The following CDK14 variants were observed in gnomAD, a reference collection of about 807,000 sequenced individuals.
CDK14 encodes the protein cyclin dependent kinase 14, also known as cyclin-dependent kinase 14.
Under a neutral mutation model 60.7 loss-of-function variants are expected in CDK14, and 34 were observed. That is an observed-to-expected ratio of 0.56 (90% CI 0.43 to 0.75). The LOEUF (loss-of-function observed/expected upper bound fraction) is 0.75. CDK14 is among the 30% of genes least tolerant of loss of function. The pLI is 0.00. For synonymous variants in CDK14, 197 were observed against 203.7 expected, an observed-to-expected ratio of 0.97 and a Z score of 0.28; for missense variants, 482 against 564.1, an observed-to-expected ratio of 0.85 and a Z score of 1.47.
At chr7:91,034,139 T>C (rs780333777) in intron 10 of CDK14, among the ~76,000 whole-genome samples, 5 of 152,314 alleles carry the variant, frequency 3.3e-5, no homozygotes, top group Non-Finnish European at 7.3e-5. Context: ...TGTGACCTTC[T>C]GTATACAGGC....
rs578163407 is a variant in CDK14, at chr7:90,919,131, A to G, written c.826+1407A>G. On this transcript the variant is annotated intron_variant, in intron 8 of 14. Coordinates refer to ENST00000380050, the MANE Select transcript of CDK14 (RefSeq NM_001287135.2). ...TTCAAGATTATTGGCTTTACTGTGA[A>G]TATATTTTATAGTTGGTCAGTGTCA... Among the ~76,000 whole-genome samples, 8 of 152,250 alleles carry G rather than the reference A, an allele frequency of 5.3e-5. No individual in the cohort carries two copies. In the South Asian group the frequency reaches 1.7e-3, roughly 32 times the overall value.
intron 2 of CDK14, among the ~76,000 whole-genome samples, chr7:90,628,804 C>T (rs1799931767): frequency 6.6e-6 from 1 of 152,210 alleles, no homozygotes; most frequent in East Asian, 1.9e-4. Context: ...CCCACCACTG[C>T]ACTCCAGCCT....
At chr7:90,794,052 A>C (rs888371107) in intron 5 of CDK14, among the ~76,000 whole-genome samples, 6 of 151,964 alleles carry the variant, frequency 3.9e-5, no homozygotes, top group African/African-American at 1.5e-4. Flanking sequence ...AAAGAGAGAA[A>C]TTTTAAAGCT....
intron 10 of CDK14, 131 bp downstream of exon 10, chr7:90,984,372 T>C: frequency 1.5e-6 from 1 of 648,344 alleles, no homozygotes; most frequent in Non-Finnish European, 2.8e-6. Context: ...TAACATATTT[T>C]GGACCTTTGA....
Position 90,928,032 on chromosome 7 carries a change from CGTA to C in CDK14, c.826+10311_826+10313del, listed in dbSNP as rs1485097015. 3.9e-5 allele frequency among the ~76,000 whole-genome samples: 6 copies of C among 152,226 alleles called. No homozygotes were observed. The East Asian group carries it at 7.7e-4, about 20-fold the overall frequency. On this transcript the variant is annotated intron_variant, in intron 8 of 14. Transcript: ENST00000380050. Reference sequence around the variant, plus strand: ...GCTACTAAAGCTTGTGCATGTGTCACGTAGTTCTAATGCCATGGTTTTCAGCTC... The same window carrying C: ...GCTACTAAAGCTTGTGCATGTGTCACGTTCTAATGCCATGGTTTTCAGCTC...
chr7:90,870,915 TTGAGATATTTA>T (rs1791350623), intron 6 of CDK14, among the ~76,000 whole-genome samples: 1 of 152,198 alleles, frequency 6.6e-6, no homozygotes, highest in African/African-American at 2.4e-5. Flanking sequence ...GTGAACTAGT[TTGAGATATTTA>T]TGAGATATTT....
Position 90,851,688 on chromosome 7 carries a change from G to A in CDK14, c.545-11487G>A, listed in dbSNP as rs79494199. 6.0e-3 allele frequency among the ~76,000 whole-genome samples: 920 copies of A among 152,098 alleles called. 16 individuals carry two copies. Among genetic ancestry groups the A allele is most frequent in the African/African-American group, 0.021 (866 of 41,500 alleles). ...CTCCAATTCCTCTGTTTGACAGTGCGTACAGAGATGCAAGATTTCTGGAGA... is the reference window on the plus strand; with the variant it reads ...CTCCAATTCCTCTGTTTGACAGTGCATACAGAGATGCAAGATTTCTGGAGA... On this transcript the variant is annotated intron_variant, in intron 5 of 14. Coordinates refer to ENST00000380050, the MANE Select transcript of CDK14 (RefSeq NM_001287135.2).
chr7:90,640,324 T>C (rs1800294757), intron 2 of CDK14, among the ~76,000 whole-genome samples: 1 of 152,134 alleles, frequency 6.6e-6, no homozygotes, highest in Non-Finnish European at 1.5e-5. Flanking sequence ...TGTTTAATAT[T>C]AATAATGATA....
intron 14 of CDK14, among the ~76,000 whole-genome samples, chr7:91,144,654 T>A (rs1170622624): frequency 4.6e-5 from 7 of 152,198 alleles, no homozygotes; most frequent in Non-Finnish European, 1.0e-4. Context: ...TAATTTTTGA[T>A]AGTCTCATAG....
intron 8 of CDK14, among the ~76,000 whole-genome samples, chr7:90,928,888 G>A (rs2374373): frequency 3.9e-5 from 6 of 152,172 alleles, no homozygotes; most frequent in African/African-American, 1.4e-4. Flanking sequence ...GAGCTTCCTG[G>A]CTGCTTTGTT....
chr7:90,797,577 G>A (rs1000878572), intron 5 of CDK14, among the ~76,000 whole-genome samples: 4 of 151,898 alleles, frequency 2.6e-5, no homozygotes, highest in African/African-American at 7.3e-5. Context: ...TTCTTGCACT[G>A]TTGTAAAGAA....
intron 8 of CDK14, among the ~76,000 whole-genome samples, chr7:90,924,199 G>A (rs954633888): frequency 3.3e-5 from 5 of 152,188 alleles, no homozygotes; most frequent in African/African-American, 1.2e-4. Flanking sequence ...GTCCTGAGGC[G>A]GTGCAGGGCA....
At chr7:91,167,952 G>C (rs1186691451) in intron 14 of CDK14, among the ~76,000 whole-genome samples, 2 of 152,152 alleles carry the variant, frequency 1.3e-5, no homozygotes, top group Non-Finnish European at 2.9e-5. Context: ...TTTTGGAAGA[G>C]GGTGCTATAA....
At chr7:90,891,186 A>T (rs1462078326) in intron 6 of CDK14, among the ~76,000 whole-genome samples, 1 of 152,120 alleles carries the variant, frequency 6.6e-6, no homozygotes, top group East Asian at 1.9e-4. Context: ...TCCTCTTACC[A>T]TTGAAAGGGT....
At chr7:91,078,191 T>C (rs1461469909) in intron 11 of CDK14, among the ~76,000 whole-genome samples, 1 of 152,206 alleles carries the variant, frequency 6.6e-6, no homozygotes, top group Non-Finnish European at 1.5e-5. Flanking sequence ...TGTACAAGGA[T>C]ATTTGCTGAA....
At chr7:90,826,391 G>A (rs1789723472) in intron 5 of CDK14, among the ~76,000 whole-genome samples, 2 of 151,906 alleles carry the variant, frequency 1.3e-5, no homozygotes, top group African/African-American at 4.8e-5. Context: ...GCTAATTTTT[G>A]TATTTTTAGT....
At chr7:90,699,578 C>A (rs1312053977) in intron 2 of CDK14, among the ~76,000 whole-genome samples, 1 of 152,148 alleles carries the variant, frequency 6.6e-6, no homozygotes, top group Non-Finnish European at 1.5e-5. Context: ...GAAGTTAGTG[C>A]CCCAGTGCAC....
chr7:90,975,214 A>G (rs537106929), intron 9 of CDK14, among the ~76,000 whole-genome samples: 4 of 152,026 alleles, frequency 2.6e-5, no homozygotes, highest in Non-Finnish European at 4.4e-5. Context: ...ATTTTTTTCT[A>G]TGTATTACAC....
intron 6 of CDK14, among the ~76,000 whole-genome samples, chr7:90,867,901 G>A (rs534606317): frequency 3.9e-5 from 6 of 151,978 alleles, no homozygotes; most frequent in African/African-American, 9.7e-5. Context: ...GGAGGTGGGC[G>A]GATTGCTTGA....
Sources: gnomAD v4.1 joint callset for allele counts (sites outside exome capture counted in the v4.1 genomes callset) on GRCh38, gnomAD v4.1.1 for gene constraint, MANE v1.5 for transcripts, NCBI Gene and HGNC (gene_info 2026-07-23, HGNC 2026-07-21) for gene names.